The following PACSIN2 variants were observed in gnomAD, a reference collection of about 807,000 sequenced individuals.
PACSIN2 encodes the protein protein kinase C and casein kinase substrate in neurons protein 2.
In PACSIN2, 25 loss-of-function variants were observed where a neutral mutation model predicts 63.8. The observed-to-expected ratio is 0.39, with a 90% CI of 0.29 to 0.55. The LOEUF is 0.55. PACSIN2 is among the 20% of genes least tolerant of loss of function. The pLI is 0.62. For missense variants in PACSIN2, 518 were observed against 646.9 expected, an observed-to-expected ratio of 0.80 and a Z score of 2.16; for synonymous variants, 255 against 256.2, an observed-to-expected ratio of 1.00 and a Z score of 0.05.
At chr22:42,894,583 T>C (rs1010677397) in intron 2 of PACSIN2, among the ~76,000 whole-genome samples, 2 of 152,244 alleles carry the variant, frequency 1.3e-5, no homozygotes, top group Non-Finnish European at 2.9e-5. Context: ...ACTGTCTTGA[T>C]GGCAAAGCTT....
At chr22:43,011,982 T>C (rs1403355732) in intron 1 of PACSIN2, among the ~76,000 whole-genome samples, 1 of 152,004 alleles carries the variant, frequency 6.6e-6, no homozygotes. Flanking sequence ...CCGTCTCTAC[T>C]ATAAATACAA....
intron 1 of PACSIN2, among the ~76,000 whole-genome samples, chr22:42,958,721 T>C: frequency 6.6e-6 from 1 of 152,176 alleles, no homozygotes; most frequent in South Asian, 2.1e-4. Context: ...CACTTCACAG[T>C]AGGTAACATC....
At chr22:42,953,100 G>C (rs991551660) in intron 1 of PACSIN2, among the ~76,000 whole-genome samples, 3 of 151,964 alleles carry the variant, frequency 2.0e-5, no homozygotes, top group African/African-American at 7.3e-5. Context: ...AAAAGACAAT[G>C]GCAAATTTGC....
Position 42,871,775 on chromosome 22 carries a change from C to T in PACSIN2, c.1349-306G>A, listed in dbSNP as rs113005387. ...CTCCATAGGGCTGTGCCTTCCTCACCACCCTGGCCAGGTGGCAGGAATCGT... is the reference window on the plus strand; with the variant it reads ...CTCCATAGGGCTGTGCCTTCCTCACTACCCTGGCCAGGTGGCAGGAATCGT... On this transcript the variant is annotated intron_variant, in intron 10 of 10. Coordinates refer to ENST00000263246, the MANE Select transcript of PACSIN2 (RefSeq NM_001184970.3). This position sits in a 1 kb window ranked among gnomAD's most constrained non-coding sequence, Gnocchi z 5.4. Among the ~76,000 whole-genome samples, 485 of 152,268 alleles carry T rather than the reference C, an allele frequency of 3.2e-3. 4 individuals carry two copies. Among genetic ancestry groups the T allele is most frequent in the African/African-American group, 0.011 (455 of 41,554 alleles).
chr22:43,004,400 T>A (rs1923958869), intron 1 of PACSIN2, among the ~76,000 whole-genome samples: 1 of 152,210 alleles, frequency 6.6e-6, no homozygotes, highest in Non-Finnish European at 1.5e-5. Flanking sequence ...ACATGCCCAG[T>A]CTCCTTATCT....
intron 1 of PACSIN2, among the ~76,000 whole-genome samples, chr22:42,973,079 A>G (rs1167747617): frequency 3.9e-5 from 6 of 152,228 alleles, no homozygotes; most frequent in Admixed American, 3.9e-4. Flanking sequence ...ATATCTGCCC[A>G]CATACTGCAG....
intron 1 of PACSIN2, among the ~76,000 whole-genome samples, chr22:42,920,733 G>A (rs1406254007): frequency 6.6e-6 from 1 of 151,406 alleles, no homozygotes; most frequent in Admixed American, 6.6e-5. Context: ...CAAGCTCAGG[G>A]TTGAGAAATG....
intron 1 of PACSIN2, among the ~76,000 whole-genome samples, chr22:42,964,104 C>T (rs998292009): frequency 4.6e-5 from 7 of 152,196 alleles, no homozygotes; most frequent in Non-Finnish European, 5.9e-5. Flanking sequence ...CCCCAGCCCG[C>T]GGCAGTCATT....
rs57140073 is a variant in PACSIN2 at position 42,975,457 on chromosome 22, A to AAT, written c.-78+39562_-78+39563dup. Among the ~76,000 whole-genome samples the AAT allele has an allele frequency of 4.3e-3, 601 of 140,740 alleles. 20 individuals are homozygous for AAT. Among genetic ancestry groups the AAT allele is most frequent in the African/African-American group, 0.016 (566 of 36,180 alleles). The allele number at this position is 140,740 out of a possible 152,430, so 92.3% of individuals were successfully genotyped here. ...TCTACAAAAATAAAAAATATATACA[A>AAT]ATATATATATATATAGCATGCACAC... On this transcript the variant is annotated intron_variant, in intron 1 of 10. Coordinates refer to ENST00000263246, the MANE Select transcript of PACSIN2 (RefSeq NM_001184970.3).
rs1052072488 is a variant in PACSIN2 at position 42,876,155 on chromosome 22, C to A, written c.1330G>T (p.Glu444Ter). 3.1e-6 allele frequency: 5 copies of A among 1,613,348 alleles called. No homozygotes were observed. Among genetic ancestry groups the A allele is most frequent in the Non-Finnish European group, 4.2e-6 (5 of 1,179,388 alleles). The change falls in exon 10 of 11, where the codon GAG becomes TAG. Residue 444 changes from glutamate to a stop codon, truncating the protein, a stop_gained. Transcript: ENST00000263246. LOFTEE classifies it high-confidence loss of function. ...LYDYEGQEHD[E>*]LSFKAGDELT... ...CACCTACCAGCCTTGAAGCTCAGCT[C>A]ATCATGCTCCTGCCCCTCATAGTCA...
At chr22:42,910,737 C>A (rs1354460750) in intron 2 of PACSIN2, among the ~76,000 whole-genome samples, 1 of 152,188 alleles carries the variant, frequency 6.6e-6, no homozygotes, top group African/African-American at 2.4e-5. Flanking sequence ...GGGTGCCCCC[C>A]TCACCCCTCC....
intron 8 of PACSIN2, 104 bp from the exon 9 acceptor site, chr22:42,877,114 T>G: frequency 3.2e-6 from 4 of 1,267,084 alleles, no homozygotes; most frequent in African/African-American, 1.5e-5. Flanking sequence ...CAGCTCCTCC[T>G]GTGACCGGAG....
At chr22:42,965,521 C>T (rs1164995883) in intron 1 of PACSIN2, among the ~76,000 whole-genome samples, 1 of 152,152 alleles carries the variant, frequency 6.6e-6, no homozygotes. Context: ...TCCTTCCTAC[C>T]CAGCGTCTGC....
chr22:42,938,062 A>T (rs1319263831), intron 1 of PACSIN2, among the ~76,000 whole-genome samples: 1 of 152,198 alleles, frequency 6.6e-6, no homozygotes, highest in Admixed American at 6.5e-5. Context: ...TAGATTCTAG[A>T]TGACAGCCCT....
intron 6 of PACSIN2, among the ~76,000 whole-genome samples, chr22:42,882,715 A>T (rs1929173634): frequency 6.6e-6 from 1 of 152,192 alleles, no homozygotes; most frequent in Non-Finnish European, 1.5e-5. Context: ...CAGACTTGCC[A>T]ATGCAGAGCG....
intron 1 of PACSIN2, among the ~76,000 whole-genome samples, chr22:42,963,144 C>T (rs1426242077): frequency 1.3e-5 from 2 of 152,214 alleles, no homozygotes; most frequent in African/African-American, 2.4e-5. Flanking sequence ...ATTCAACAAA[C>T]ATTAATGCCA....
chr22:42,960,647 G>C (rs745556786), intron 1 of PACSIN2, among the ~76,000 whole-genome samples: 8 of 151,982 alleles, frequency 5.3e-5, no homozygotes, highest in Middle Eastern at 3.2e-3. Flanking sequence ...ATTCCCTTTG[G>C]ATCCAGCACA....
At chr22:42,943,235 T>C (rs142314308) in intron 1 of PACSIN2, among the ~76,000 whole-genome samples, 29 of 152,356 alleles carry the variant, frequency 1.9e-4, no homozygotes, top group African/African-American at 6.7e-4. Flanking sequence ...TGTATATTGA[T>C]CTTATATCCT....
At chr22:42,979,240 T>C (rs1276414357) in intron 1 of PACSIN2, among the ~76,000 whole-genome samples, 2 of 152,042 alleles carry the variant, frequency 1.3e-5, no homozygotes, top group African/African-American at 2.4e-5. Flanking sequence ...ATAGAGATAT[T>C]TGGCCAGGTG....
Sources: gnomAD v4.1 joint callset for allele counts (sites outside exome capture counted in the v4.1 genomes callset) on GRCh38, gnomAD v4.1.1 for gene constraint, Gnocchi (gnomAD v3.1) non-coding constraint, MANE v1.5 for transcripts, NCBI Gene and HGNC (gene_info 2026-07-23, HGNC 2026-07-21) for gene names.